Variants in LIN28B observed in about 807,000 individuals in gnomAD.
LIN28B encodes protein lin-28 homolog B.
Under a neutral mutation model 21.9 loss-of-function variants are expected in LIN28B, and 5 were observed. The observed-to-expected ratio is 0.23, with a 90% CI of 0.12 to 0.48. The LOEUF is 0.48. Among genes scored for constraint, LIN28B ranks in the 20% least tolerant of loss-of-function variants. The probability of loss-of-function intolerance (pLI) is 0.98; values close to 1 mark genes in which losing one functional copy is unlikely to be tolerated. For missense variants in LIN28B, 245 were observed against 310.5 expected, an observed-to-expected ratio of 0.79 and a Z score of 1.58; for synonymous variants, 109 against 111.3, an observed-to-expected ratio of 0.98 and a Z score of 0.13.
intron 2 of LIN28B, among the ~76,000 whole-genome samples, chr6:105,005,140 C>T (rs1486236434): frequency 6.6e-6 from 1 of 152,088 alleles, no homozygotes; most frequent in Non-Finnish European, 1.5e-5. Context: ...TTCAAAGTAT[C>T]GTTTTATTTA....
rs1198187816 is a variant in LIN28B at position 105,080,495 on chromosome 6, C to G, written c.*1712C>G. On this transcript the variant is annotated 3_prime_UTR_variant, in exon 4 of 4. Transcript: ENST00000345080. Reference sequence around the variant, plus strand: ...GCAAACCACCATAAGACGAAAATGCCTCAGGTTGGGTTGCCAGTCCTTTAC... The same window carrying G: ...GCAAACCACCATAAGACGAAAATGCGTCAGGTTGGGTTGCCAGTCCTTTAC... 1 of 152,562 alleles carries G rather than the reference C, an allele frequency of 6.6e-6. No homozygotes were observed. The highest frequency in any genetic ancestry group is 1.5e-5 in the Non-Finnish European group (1 of 68,030). 9.5% of individuals were successfully genotyped at this position (152,562 alleles called of 1,614,324 possible). A position where few individuals can be genotyped will look rare whatever the true frequency, so the allele number is the denominator to read the frequency against.
intron 2 of LIN28B, among the ~76,000 whole-genome samples, chr6:104,984,257 G>T (rs1162952743): frequency 6.6e-6 from 1 of 152,072 alleles, no homozygotes; most frequent in Non-Finnish European, 1.5e-5. Flanking sequence ...TTCTCCAGAG[G>T]AATAATTGTG....
At chr6:104,982,744 A>G (rs768903126) in intron 2 of LIN28B, among the ~76,000 whole-genome samples, 1 of 152,178 alleles carries the variant, frequency 6.6e-6, no homozygotes, top group African/African-American at 2.4e-5. Context: ...TGTTTATCTC[A>G]TAATTATTAA....
chr6:105,043,113 T>G (rs1771670137), intron 3 of LIN28B, among the ~76,000 whole-genome samples: 1 of 151,826 alleles, frequency 6.6e-6, no homozygotes, highest in African/African-American at 2.4e-5. Context: ...TAATGAGAGA[T>G]ATACAGAGTC....
At chr6:104,989,313 G>C (rs191620807) in intron 2 of LIN28B, among the ~76,000 whole-genome samples, 1 of 152,080 alleles carries the variant, frequency 6.6e-6, no homozygotes, top group African/African-American at 2.4e-5. Context: ...TCCACCTCTT[G>C]GTTGAAGTGA....
intron 2 of LIN28B, among the ~76,000 whole-genome samples, chr6:104,946,815 T>C (rs562635132): frequency 1.3e-5 from 2 of 152,312 alleles, no homozygotes; most frequent in Non-Finnish European, 2.9e-5. Flanking sequence ...TAGTAAGTTG[T>C]AATGTACTTT....
chr6:104,977,408 T>C (rs976374337), intron 2 of LIN28B, among the ~76,000 whole-genome samples: 5 of 152,238 alleles, frequency 3.3e-5, no homozygotes, highest in Non-Finnish European at 7.3e-5. Context: ...TTCCTTCTTA[T>C]AAACTTCAAA....
chr6:105,006,147 A>T (rs1025369469), intron 2 of LIN28B, among the ~76,000 whole-genome samples: 1 of 152,086 alleles, frequency 6.6e-6, no homozygotes, highest in African/African-American at 2.4e-5. Context: ...TTTTTGGTGT[A>T]TGACATTTTT....
chr6:105,071,801 G>A (rs1003317997), intron 3 of LIN28B, among the ~76,000 whole-genome samples: 7 of 152,148 alleles, frequency 4.6e-5, no homozygotes, highest in Non-Finnish European at 8.8e-5. Context: ...GAATTTTATT[G>A]AGTGAGTTTG....
At chr6:104,972,391 A>C (rs1769999876) in intron 2 of LIN28B, among the ~76,000 whole-genome samples, 2 of 152,222 alleles carry the variant, frequency 1.3e-5, no homozygotes. Flanking sequence ...GGTATTAATT[A>C]ATAACAACAT....
intron 2 of LIN28B, among the ~76,000 whole-genome samples, chr6:104,937,742 TTA>T (rs1276713637): frequency 1.3e-5 from 2 of 152,114 alleles, no homozygotes; most frequent in African/African-American, 4.8e-5. Flanking sequence ...ACACTGTATT[TTA>T]TGTTTTCTAA....
chr6:105,023,274 TTA>T (rs1221744584), intron 2 of LIN28B, among the ~76,000 whole-genome samples: 10 of 46,060 alleles, frequency 2.2e-4, no homozygotes, highest in Middle Eastern at 8.3e-3. Context: ...TTATTTATTA[TTA>T]TATATATAAA....
chr6:105,020,401 A>T (rs1771115015), intron 2 of LIN28B, among the ~76,000 whole-genome samples: 1 of 151,654 alleles, frequency 6.6e-6, no homozygotes, highest in Admixed American at 6.6e-5. Flanking sequence ...AGAAAACAGC[A>T]TGAAGTGCAG....
intron 2 of LIN28B, among the ~76,000 whole-genome samples, chr6:105,012,170 A>G (rs1770936564): frequency 6.6e-6 from 1 of 150,464 alleles, no homozygotes; most frequent in Admixed American, 6.6e-5. Flanking sequence ...ACAAAAAATA[A>G]AATAAACCGA....
chr6:105,066,201 A>G (rs1279110915), intron 3 of LIN28B, among the ~76,000 whole-genome samples: 1 of 152,140 alleles, frequency 6.6e-6, no homozygotes, highest in Non-Finnish European at 1.5e-5. Flanking sequence ...AGTAAGTAGG[A>G]AGTGCTAGTA....
intron 2 of LIN28B, among the ~76,000 whole-genome samples, chr6:104,948,439 C>T (rs995448289): frequency 1.3e-5 from 2 of 152,130 alleles, no homozygotes; most frequent in African/African-American, 4.8e-5. Flanking sequence ...TGCACTCCGG[C>T]CTGGGCAACA....
At chr6:104,971,231 G>A (rs1769972510) in intron 2 of LIN28B, among the ~76,000 whole-genome samples, 2 of 152,110 alleles carry the variant, frequency 1.3e-5, no homozygotes, top group South Asian at 2.1e-4. Context: ...TAAGAATACT[G>A]TATAGACCAC....
upstream of LIN28B, among the ~76,000 whole-genome samples, chr6:104,955,991 G>A (rs1778283988): frequency 6.6e-6 from 1 of 152,108 alleles, no homozygotes; most frequent in Non-Finnish European, 1.5e-5. Flanking sequence ...AGTTGAGGAA[G>A]GACAGTAGGA....
At chr6:104,982,365 G>T (rs1770243759) in intron 2 of LIN28B, among the ~76,000 whole-genome samples, 1 of 151,568 alleles carries the variant, frequency 6.6e-6, no homozygotes, top group African/African-American at 2.4e-5. Flanking sequence ...CTCCAATTCA[G>T]TGATGAGATT....
Sources: allele counts gnomAD v4.1 joint callset (sites outside exome capture counted in the v4.1 genomes callset), GRCh38; gene constraint gnomAD v4.1.1; transcripts MANE v1.5; gene names NCBI Gene and HGNC (gene_info 2026-07-23, HGNC 2026-07-21).